The following YY1 variants were observed in gnomAD, a reference collection of about 807,000 sequenced individuals.
The protein encoded by YY1 is YY1 transcription factor, also known as transcriptional repressor protein YY1.
YY1 carries 2 observed loss-of-function variants against 35.6 expected under a neutral mutation model. That is an observed-to-expected ratio of 0.06 (90% CI 0.02 to 0.18). YY1 has a LOEUF of 0.18. Ranked by LOEUF, YY1 falls within the 10% of genes least tolerant of loss-of-function variation. YY1 has a pLI of 1.00. For missense variants in YY1, 322 were observed against 573.4 expected (o/e 0.56, Z 4.48); for synonymous variants, 268 against 238.9 (o/e 1.12, Z -1.12).
intron 2 of YY1, among the ~76,000 whole-genome samples, chr14:100,269,407 T>G (rs1016621766): frequency 6.6e-6 from 1 of 152,208 alleles, no homozygotes; most frequent in African/African-American, 2.4e-5. Flanking sequence ...CCATACTGCC[T>G]CATTCATAAT....
intron 2 of YY1, among the ~76,000 whole-genome samples, chr14:100,268,962 C>G (rs568884749): frequency 6.6e-6 from 1 of 152,324 alleles, no homozygotes; most frequent in South Asian, 2.1e-4. Context: ...TGATACTGTG[C>G]CAGAAGTTTG....
At position 100,239,349 on chromosome 14, in the gene YY1, C is replaced by T. The variant is rs759447929; in HGVS notation, c.105C>T (p.Thr35=). ...AGGTGGAGACCATCCCGGTGGAGACCATCGAGACCACAGTGGTGGGCGAGG... is the reference window on the plus strand; with the variant it reads ...AGGTGGAGACCATCCCGGTGGAGACTATCGAGACCACAGTGGTGGGCGAGG... ...EIEVETIPVE[T]IETTVVGEEE... is the part of the protein sequence containing the mutation. The change falls in exon 1 of 5, where the codon ACC becomes ACT. Residue 35 remains threonine (T), a synonymous_variant. Transcript: ENST00000262238. The T allele has an allele frequency of 3.1e-6, 5 of 1,604,422 alleles. No individual in the cohort carries two copies. Among genetic ancestry groups the T allele is most frequent in the South Asian group, 1.1e-5 (1 of 89,954 alleles).
chr14:100,265,956 T>G (rs748337133), intron 2 of YY1, among the ~76,000 whole-genome samples: 34 of 152,254 alleles, frequency 2.2e-4, no homozygotes, highest in Non-Finnish European at 4.4e-4. Context: ...CTTTTGAAAC[T>G]TTAAATTACA....
chr14:100,248,679 CTT>C (rs11415073), intron 1 of YY1, among the ~76,000 whole-genome samples: 49 of 105,000 alleles, frequency 4.7e-4, no homozygotes, highest in Admixed American at 1.1e-3. Context: ...GAGTAAAATT[CTT>C]TTTTTTTTTT....
At position 100,260,441 on chromosome 14, in the gene YY1, A is replaced by ATG. The variant is rs1429029617; in HGVS notation, c.680-1862_680-1861insGT. Among the ~76,000 whole-genome samples the ATG allele has an allele frequency of 2.9e-5, 4 of 137,960 alleles. No homozygotes were observed. The East Asian group carries it at 6.2e-4, about 22-fold the overall frequency. 90.5% of individuals were successfully genotyped at this position (137,960 alleles called of 152,430 possible). ...AATATATGAATATATATATATATATATATATACACACACACACACATATAT... is the reference window on the plus strand; with the variant it reads ...AATATATGAATATATATATATATATATGTATATACACACACACACACATATAT... On this transcript the variant is annotated intron_variant, in intron 1 of 4. Transcript: ENST00000262238.
Position 100,260,771 on chromosome 14 carries a change from C to CTT in YY1, c.680-1495_680-1494dup, listed in dbSNP as rs71113254. Among the ~76,000 whole-genome samples, 41 of 42,568 alleles carry CTT rather than the reference C, an allele frequency of 9.6e-4. 3 individuals are homozygous for CTT. The highest frequency in any genetic ancestry group is 1.4e-3 in the Non-Finnish European group (33 of 22,954). 27.9% of individuals were successfully genotyped at this position (42,568 alleles called of 152,430 possible). A position where few individuals can be genotyped will look rare whatever the true frequency, so the allele number is the denominator to read the frequency against. On this transcript the variant is annotated intron_variant, in intron 1 of 4. Transcript: ENST00000262238. ...CAGGTGTGAGCCACCGTGCCTGGTC[C>CTT]TTTTTTTTTTTTTTTTTTTTTTTTT... is the stretch of plus-strand genomic sequence containing the variant.
In YY1 at chr14:100,276,472, T is replaced by C. The variant is rs1462771478; in HGVS notation, c.904-18T>C. 9 of 1,614,118 alleles carry C rather than the reference T, an allele frequency of 5.6e-6. No individual in the cohort carries two copies. The highest frequency in any genetic ancestry group is 7.6e-6 in the Non-Finnish European group (9 of 1,180,044). On this transcript the variant is annotated intron_variant, in intron 3 of 4. Coordinates refer to ENST00000262238, the MANE Select transcript of YY1 (RefSeq NM_003403.5). The surrounding 1 kb of genome is among the most constrained non-coding windows in gnomAD (Gnocchi z 4.1). ...CAGTTTGCAATGTGAACTTCTAAGC[T>C]GCTTTCTCTGTTTTAAGGGCTGCAC...
rs869125410 is a variant in YY1 at position 100,244,320 on chromosome 14, C to CT, written c.679+4420dup. On this transcript the variant is annotated intron_variant, in intron 1 of 4. Transcript: ENST00000262238. ...GATTGGCTTTTTTTTTCCTTTTTTA[C>CT]TTTTTTTTTTTTTTTTTTTTTTTGA... is the stretch of plus-strand genomic sequence containing the variant. Among the ~76,000 whole-genome samples, 267 of 89,674 alleles carry CT rather than the reference C, an allele frequency of 3.0e-3. 4 individuals are homozygous for CT. Among genetic ancestry groups the CT allele is most frequent in the African/African-American group, 0.01 (225 of 21,752 alleles). 58.8% of individuals were successfully genotyped at this position (89,674 alleles called of 152,430 possible). A position where few individuals can be genotyped will look rare whatever the true frequency, so the allele number is the denominator to read the frequency against.
chr14:100,260,402 TTA>T (rs1410135700), intron 1 of YY1, among the ~76,000 whole-genome samples: 4 of 150,758 alleles, frequency 2.7e-5, no homozygotes, highest in African/African-American at 9.8e-5. Flanking sequence ...GGGAAATGAA[TTA>T]TATGGGGTCT....
At chr14:100,270,589 C>T (rs1265365650) in intron 2 of YY1, among the ~76,000 whole-genome samples, 1 of 152,100 alleles carries the variant, frequency 6.6e-6, no homozygotes, top group Non-Finnish European at 1.5e-5. Flanking sequence ...AACCACTTCA[C>T]TCCAGCCTGG....
At chr14:100,260,204 G>A (rs1449066134) in intron 1 of YY1, among the ~76,000 whole-genome samples, 2 of 151,982 alleles carry the variant, frequency 1.3e-5, no homozygotes, top group African/African-American at 4.8e-5. Flanking sequence ...AGCCTCCCGA[G>A]TAGCTGGGCT....
chr14:100,272,965 GT>G (rs368896214), intron 2 of YY1, among the ~76,000 whole-genome samples: 1,449 of 127,646 alleles, frequency 0.011, 23 homozygotes, highest in African/African-American at 0.04. Context: ...TTTTTTTTTT[GT>G]TTTTTTTTTT....
rs115015730 is a variant in YY1 at position 100,257,116 on chromosome 14, G to A, written c.680-5188G>A. Among the ~76,000 whole-genome samples, 570 of 152,218 alleles carry A rather than the reference G, an allele frequency of 3.7e-3. 4 individuals are homozygous for A. Among genetic ancestry groups the A allele is most frequent in the African/African-American group, 0.013 (544 of 41,526 alleles). Reference sequence around the variant, plus strand: ...AAGTTCTCTTTAGACAGAGCTAGTTGTCTCCCTACCTGTGGATATACCTCT... The same window carrying A: ...AAGTTCTCTTTAGACAGAGCTAGTTATCTCCCTACCTGTGGATATACCTCT... On this transcript the variant is annotated intron_variant, in intron 1 of 4. Coordinates refer to ENST00000262238, the MANE Select transcript of YY1 (RefSeq NM_003403.5).
At chr14:100,249,204 T>C (rs774823901) in intron 1 of YY1, among the ~76,000 whole-genome samples, 4 of 136,016 alleles carry the variant, frequency 2.9e-5, no homozygotes, top group Non-Finnish European at 4.6e-5. Flanking sequence ...ACCTGCAACC[T>C]TCACCTCCTG....
chr14:100,277,308 A>G lies in YY1; in HGVS notation c.1063-110A>G, dbSNP rs1182515435. ...AAAGTTCACCCAGGGCAGGAATGAA[A>G]AGTGTTTGGTAAAATAAATAGGCTG... is the stretch of plus-strand genomic sequence containing the variant. On this transcript the variant is annotated intron_variant, in intron 4 of 4. Transcript: ENST00000262238. This position sits in a 1 kb window ranked among gnomAD's most constrained non-coding sequence, Gnocchi z 5.6. 3 of 1,358,808 alleles carry G rather than the reference A, an allele frequency of 2.2e-6. No individual in the cohort carries two copies. The highest frequency in any genetic ancestry group is 1.0e-6 in the Non-Finnish European group (1 of 957,776). 84.2% of individuals were successfully genotyped at this position (1,358,808 alleles called of 1,614,324 possible).
chr14:100,274,864 A>T lies in YY1; in HGVS notation c.903+106A>T. ...CTGCTTGTGATAATTTAAATGAAGC[A>T]AGGAATTAGAATCTTCGGTTTCTAA... On this transcript the variant is annotated intron_variant, in intron 3 of 4. Transcript: ENST00000262238. 2.7e-6 allele frequency: 3 copies of T among 1,117,820 alleles called. No individual in the cohort carries two copies. The South Asian group carries it at 4.0e-5, about 15-fold the overall frequency. 69.2% of individuals were successfully genotyped at this position (1,117,820 alleles called of 1,614,324 possible). A position where few individuals can be genotyped will look rare whatever the true frequency, so the allele number is the denominator to read the frequency against.
Position 100,279,149 on chromosome 14 carries a change from G to A in YY1, c.*1549G>A, listed in dbSNP as rs1228603447. The stretch of plus-strand genomic sequence containing the variant: ...GTACGATTATAATGTTGGATCTTAG[G>A]TCAAATAACAGACTTGAGAATACTT... On this transcript the variant is annotated 3_prime_UTR_variant, in exon 5 of 5. Transcript: ENST00000262238. 1 of 152,164 alleles carries A rather than the reference G, an allele frequency of 6.6e-6. No individual in the cohort carries two copies. Among genetic ancestry groups the A allele is most frequent in the African/African-American group, 2.4e-5 (1 of 41,434 alleles). 9.4% of individuals were successfully genotyped at this position (152,164 alleles called of 1,614,324 possible).
Position 100,249,100 on chromosome 14 carries a change from A to ATTTTTTT in YY1, c.679+9206_679+9212dup, listed in dbSNP as rs60088505. 1.5e-3 allele frequency among the ~76,000 whole-genome samples: 70 copies of ATTTTTTT among 46,834 alleles called. 6 individuals carry two copies. Among genetic ancestry groups the ATTTTTTT allele is most frequent in the Middle Eastern group, 0.021 (1 of 48 alleles). The allele number at this position is 46,834 out of a possible 152,430, so 30.7% of individuals were successfully genotyped here. On this transcript the variant is annotated intron_variant, in intron 1 of 4. Transcript: ENST00000262238. The stretch of plus-strand genomic sequence containing the variant: ...TTTGTGATGGACTCTTTCTCGTGTA[A>ATTTTTTT]TTTTTTTTTTTTTTTTTTTTTTTTT...
At chr14:100,254,004 T>TA (rs1233569136) in intron 1 of YY1, among the ~76,000 whole-genome samples, 1 of 151,884 alleles carries the variant, frequency 6.6e-6, no homozygotes, top group Non-Finnish European at 1.5e-5. Flanking sequence ...ATCTTTTTTT[T>TA]TATATATTTT....
Sources: gnomAD v4.1 joint callset for allele counts (sites outside exome capture counted in the v4.1 genomes callset) on GRCh38, gnomAD v4.1.1 for gene constraint, Gnocchi (gnomAD v3.1) non-coding constraint, MANE v1.5 for transcripts, NCBI Gene and HGNC (gene_info 2026-07-23, HGNC 2026-07-21) for gene names.